OXR1: variants seen among roughly 807,000 people sequenced by gnomAD.
The protein encoded by OXR1 is oxidation resistance protein 1.
In OXR1, 41 loss-of-function variants were observed where a neutral mutation model predicts 104.6. The observed-to-expected ratio is 0.39, with a 90% CI of 0.31 to 0.51. The LOEUF (loss-of-function observed/expected upper bound fraction) is 0.51. OXR1 is among the 20% of genes least tolerant of loss of function. The probability of loss-of-function intolerance (pLI) is 0.77; values close to 1 mark genes in which losing one functional copy is unlikely to be tolerated. For synonymous variants in OXR1, 348 were observed against 348.4 expected (o/e 1.00, Z 0.01); for missense variants, 955 against 1,031.9 (o/e 0.93, Z 1.02).
intron 3 of OXR1, among the ~76,000 whole-genome samples, chr8:106,551,231 T>A (rs1815777243): frequency 6.6e-6 from 1 of 152,148 alleles, no homozygotes; most frequent in Non-Finnish European, 1.5e-5. Context: ...TAGGAAATAG[T>A]CAATTAAACA....
intron 3 of OXR1, among the ~76,000 whole-genome samples, chr8:106,563,388 AAAGAAGGACAC>A (rs1816835375): frequency 6.6e-6 from 1 of 152,166 alleles, no homozygotes; most frequent in African/African-American, 2.4e-5. Context: ...CCAAGAAGAC[AAAGAAGGACAC>A]TACATAATGA....
chr8:106,590,266 T>A (rs1053786955), intron 3 of OXR1, among the ~76,000 whole-genome samples: 1 of 151,916 alleles, frequency 6.6e-6, no homozygotes, highest in Non-Finnish European at 1.5e-5. Context: ...GCAATACAGG[T>A]TTTTGGTTTT....
chr8:106,669,933 C>T (rs1359625764), intron 3 of OXR1, among the ~76,000 whole-genome samples: 1 of 152,130 alleles, frequency 6.6e-6, no homozygotes, highest in Non-Finnish European at 1.5e-5. Flanking sequence ...AAAAGCTGGA[C>T]ACAAAGCAAA....
chr8:106,467,735 G>A (rs1821250796), intron 2 of OXR1, among the ~76,000 whole-genome samples: 1 of 151,894 alleles, frequency 6.6e-6, no homozygotes. Context: ...CTAATGAGAT[G>A]TGTAGGAGCA....
chr8:106,560,036 C>A (rs1275481267), intron 3 of OXR1, among the ~76,000 whole-genome samples: 1 of 151,892 alleles, frequency 6.6e-6, no homozygotes, highest in Non-Finnish European at 1.5e-5. Flanking sequence ...AGAGACACAC[C>A]CCATTTCAAA....
chr8:106,497,321 A>G (rs986721323), intron 2 of OXR1, among the ~76,000 whole-genome samples: 4 of 152,216 alleles, frequency 2.6e-5, no homozygotes, highest in Admixed American at 6.5e-5. Context: ...TGGGGATTCA[A>G]TTAATGGAGA....
chr8:106,473,115 A>G (rs1480092585), intron 2 of OXR1, among the ~76,000 whole-genome samples: 1 of 151,918 alleles, frequency 6.6e-6, no homozygotes, highest in African/African-American at 2.4e-5. Flanking sequence ...GGAAAAGGAG[A>G]GAAAATTCTC....
At chr8:106,621,375 C>T (rs1396789148) in intron 3 of OXR1, among the ~76,000 whole-genome samples, 6 of 151,878 alleles carry the variant, frequency 4.0e-5, no homozygotes, top group Admixed American at 2.6e-4. Flanking sequence ...TGCTTGAGTC[C>T]GGGAGTTCCA....
chr8:106,567,663 T>C (rs1040409176), intron 3 of OXR1, among the ~76,000 whole-genome samples: 15 of 152,292 alleles, frequency 9.8e-5, no homozygotes, highest in Admixed American at 9.2e-4. Context: ...ATTTGAAAGC[T>C]GTATCTTTTA....
intron 3 of OXR1, among the ~76,000 whole-genome samples, chr8:106,650,723 T>A (rs772894960): frequency 1.3e-5 from 2 of 152,218 alleles, no homozygotes; most frequent in Non-Finnish European, 2.9e-5. Context: ...TAGGTTCTTA[T>A]ATATACTAAC....
At chr8:106,295,889 G>T (rs1389412918) in intron 1 of OXR1, among the ~76,000 whole-genome samples, 1 of 152,128 alleles carries the variant, frequency 6.6e-6, no homozygotes, top group Non-Finnish European at 1.5e-5. Context: ...ACATACTGAA[G>T]GATAATGCAA....
At chr8:106,630,133 A>G (rs1822540230) in intron 3 of OXR1, among the ~76,000 whole-genome samples, 1 of 152,172 alleles carries the variant, frequency 6.6e-6, no homozygotes, top group Non-Finnish European at 1.5e-5. Context: ...TAAAAGGCAA[A>G]TAAAGCCTGG....
chr8:106,456,942 A>G (rs972085105), intron 2 of OXR1, among the ~76,000 whole-genome samples: 3 of 152,232 alleles, frequency 2.0e-5, no homozygotes, highest in Admixed American at 6.5e-5. Context: ...ATAATAACAC[A>G]TCATCAAATT....
At chr8:106,280,707 C>A (rs571962611) in intron 1 of OXR1, among the ~76,000 whole-genome samples, 23 of 151,974 alleles carry the variant, frequency 1.5e-4, no homozygotes, top group African/African-American at 5.1e-4. Context: ...GAAGTGTGCA[C>A]TTAAAAACGG....
At chr8:106,672,503 AGAGAAAGAAAGAAAGAG>A (rs1384953854) in intron 3 of OXR1, among the ~76,000 whole-genome samples, 1 of 98,538 alleles carries the variant, frequency 1.0e-5, no homozygotes, top group Non-Finnish European at 2.3e-5. Context: ...AAAGAAAGAG[AGAGAAAGAAAGAAAGAG>A]AGAGAGAGAG....
At chr8:106,423,067 C>G (rs1415311130) in intron 2 of OXR1, among the ~76,000 whole-genome samples, 2 of 152,106 alleles carry the variant, frequency 1.3e-5, no homozygotes, top group African/African-American at 4.8e-5. Context: ...ACAGCCTTGG[C>G]TCTGACTGTG....
chr8:106,737,603 G>A lies in OXR1; in HGVS notation c.2037+3G>A, dbSNP rs2131557742. 1.5e-6 allele frequency: 2 copies of A among 1,357,046 alleles called. No homozygotes were observed. The highest frequency in any genetic ancestry group is 1.9e-4 in the Middle Eastern group (1 of 5,336). 84.1% of individuals were successfully genotyped at this position (1,357,046 alleles called of 1,614,324 possible). A position where few individuals can be genotyped will look rare whatever the true frequency, so the allele number is the denominator to read the frequency against. ...GCACACTCTGCAGACGCCTCCAGGT[G>A]CCCCCTTCAGTAGTTTAAACCCCTC... is the stretch of plus-strand genomic sequence containing the variant. On this transcript the variant is annotated splice_donor_region_variant and intron_variant, in intron 12 of 16. Transcript: ENST00000517566.
chr8:106,353,236 G>C (rs1158924257), intron 1 of OXR1, among the ~76,000 whole-genome samples: 1 of 152,132 alleles, frequency 6.6e-6, no homozygotes, highest in Non-Finnish European at 1.5e-5. Context: ...TGTAGTCCCA[G>C]CTACTGGGGA....
At chr8:106,714,713 A>G (rs1178089914) in intron 11 of OXR1, among the ~76,000 whole-genome samples, 3 of 152,122 alleles carry the variant, frequency 2.0e-5, no homozygotes, top group Non-Finnish European at 4.4e-5. Flanking sequence ...TTCTTGATGC[A>G]TTAGAAAATG....
Sources: allele counts gnomAD v4.1 joint callset (sites outside exome capture counted in the v4.1 genomes callset), GRCh38; gene constraint gnomAD v4.1.1; transcripts MANE v1.5; gene names NCBI Gene and HGNC (gene_info 2026-07-23, HGNC 2026-07-21).